LHX4: variants seen among roughly 807,000 people sequenced by gnomAD.
LHX4 encodes the protein LIM/homeobox protein Lhx4.
A neutral mutation model predicts 39.2 loss-of-function variants in LHX4; 16 were observed. That is an observed-to-expected ratio of 0.41 (90% CI 0.28 to 0.62). LHX4 has a LOEUF of 0.62. Among genes scored for constraint, LHX4 ranks in the 20% least tolerant of loss-of-function variants. LHX4 has a pLI of 0.33. For synonymous variants in LHX4, 206 were observed against 198.1 expected (o/e 1.04, Z -0.33); for missense variants, 439 against 511.9 (o/e 0.86, Z 1.37).
At chr1:180,271,678 A>G in intron 4 of LHX4, 144 bp downstream of exon 4, 1 of 1,307,930 alleles carries the variant, frequency 7.6e-7, no homozygotes, top group Non-Finnish European at 1.1e-6. Flanking sequence ...CAGAGTTCTG[A>G]GGCCCACCTG....
chr1:180,244,596 T>G (rs902026698), intron 1 of LHX4, among the ~76,000 whole-genome samples: 1 of 152,242 alleles, frequency 6.6e-6, no homozygotes, highest in African/African-American at 2.4e-5. Context: ...ATAAATTTTA[T>G]GGGCATATAT....
chr1:180,240,906 C>T (rs1354468757), intron 1 of LHX4, among the ~76,000 whole-genome samples: 2 of 152,222 alleles, frequency 1.3e-5, no homozygotes, highest in Non-Finnish European at 2.9e-5. Context: ...GGCTGGCTAT[C>T]ACGTTGTGAG....
At position 180,249,912 on chromosome 1, in the gene LHX4, AGTGT is replaced by A. The variant is rs750852550; in HGVS notation, c.248+1462_248+1465del. ...GTGTGTGTATGAGTGTGTGTGTGAC[AGTGT>A]GTGTGAGAGTGTGTGTGGGTGAGTG... On this transcript the variant is annotated intron_variant, in intron 2 of 5. Coordinates refer to ENST00000263726, the MANE Select transcript of LHX4 (RefSeq NM_033343.4). 4.7e-5 allele frequency among the ~76,000 whole-genome samples: 6 copies of A among 127,846 alleles called. No individual in the cohort carries two copies. The South Asian group carries it at 6.9e-4, about 15-fold the overall frequency. The allele number at this position is 127,846 out of a possible 152,430, so 83.9% of individuals were successfully genotyped here. A position where few individuals can be genotyped will look rare whatever the true frequency, so the allele number is the denominator to read the frequency against.
In LHX4 at chr1:180,230,542, G is replaced by A. The variant is rs763776210; in HGVS notation, c.13G>A (p.Ala5Thr). 1.2e-6 allele frequency: 2 copies of A among 1,613,772 alleles called. No individual in the cohort carries two copies. Among genetic ancestry groups the A allele is most frequent in the Non-Finnish European group, 8.5e-7 (1 of 1,179,954 alleles). The change falls in exon 1 of 6, where the codon GCG becomes ACG. Residue 5 changes from alanine to threonine, a missense_variant. Physicochemically the swap from Ala to Thr is moderately conservative, Grantham distance 58. Coordinates refer to ENST00000263726, the MANE Select transcript of LHX4 (RefSeq NM_033343.4). This position sits in a 1 kb window ranked among gnomAD's most constrained non-coding sequence, Gnocchi z 5.8. ...CTTTCGCTCCGAGATGATGCAGAGTGCGACTGTCCCCGCGGAAGGGGCTGT... is the reference window on the plus strand; with the variant it reads ...CTTTCGCTCCGAGATGATGCAGAGTACGACTGTCCCCGCGGAAGGGGCTGT... MMQS[A>T]TVPAEGAVKG...
At chr1:180,230,155 G>A, upstream of LHX4, 2 of 348,294 alleles carry the variant, frequency 5.7e-6, no homozygotes, top group Non-Finnish European at 1.1e-5. This position sits in a 1 kb window ranked among gnomAD's most constrained non-coding sequence, Gnocchi z 5.8. Context: ...CTCCTGCAGT[G>A]TGAATGAATC....
intron 2 of LHX4, among the ~76,000 whole-genome samples, chr1:180,257,904 C>T (rs528396497): frequency 7.2e-5 from 11 of 152,336 alleles, no homozygotes; most frequent in South Asian, 2.1e-4. Flanking sequence ...CCAGCTCCAC[C>T]GTTTGTCTGT....
At chr1:180,251,609 C>T (rs1366399268) in intron 2 of LHX4, among the ~76,000 whole-genome samples, 1 of 152,222 alleles carries the variant, frequency 6.6e-6, no homozygotes. Flanking sequence ...GGGTTTGATG[C>T]TGCAACAAGT....
Position 180,266,327 on chromosome 1 carries a change from G to A in LHX4, c.249-65G>A, listed in dbSNP as rs1369481661. 2.0e-6 allele frequency: 3 copies of A among 1,537,456 alleles called. No homozygotes were observed. The highest frequency in any genetic ancestry group is 2.7e-6 in the Non-Finnish European group (3 of 1,113,168). On this transcript the variant is annotated intron_variant, in intron 2 of 5. Transcript: ENST00000263726. The surrounding 1 kb of genome is among the most constrained non-coding windows in gnomAD (Gnocchi z 5.7). ...TGGGGTAGGAGGGAGGCTGCTCCAGGAAGTTGGGGGAAGCCAGATCCCTTG... is the reference window on the plus strand; with the variant it reads ...TGGGGTAGGAGGGAGGCTGCTCCAGAAAGTTGGGGGAAGCCAGATCCCTTG...
intron 2 of LHX4, among the ~76,000 whole-genome samples, chr1:180,251,982 C>A (rs1481539292): frequency 6.6e-6 from 1 of 152,198 alleles, no homozygotes; most frequent in Non-Finnish European, 1.5e-5. Flanking sequence ...GGATTCATAG[C>A]CCTCACCAAG....
intron 2 of LHX4, among the ~76,000 whole-genome samples, chr1:180,265,391 T>C (rs1648269785): frequency 6.6e-6 from 1 of 152,220 alleles, no homozygotes; most frequent in South Asian, 2.1e-4. Context: ...CCTCCTTCAC[T>C]GTCCCTGTCG....
chr1:180,246,565 G>T (rs1270338532), intron 1 of LHX4, among the ~76,000 whole-genome samples: 3 of 152,162 alleles, frequency 2.0e-5, no homozygotes, highest in Admixed American at 1.3e-4. Context: ...ACAAAAAGTA[G>T]CCGGGTGTGG....
chr1:180,263,843 C>T (rs1239818372), intron 2 of LHX4, among the ~76,000 whole-genome samples: 2 of 152,112 alleles, frequency 1.3e-5, no homozygotes, highest in African/African-American at 4.8e-5. Context: ...AAGGGTCTTC[C>T]CTCTGTTCCG....
Position 180,230,443 on chromosome 1 carries a change from A to T in LHX4, c.-87A>T. 1 of 1,178,492 alleles carries T rather than the reference A, an allele frequency of 8.5e-7. No individual in the cohort carries two copies. The allele number at this position is 1,178,492 out of a possible 1,614,324, so 73.0% of individuals were successfully genotyped here. A position where few individuals can be genotyped will look rare whatever the true frequency, so the allele number is the denominator to read the frequency against. On this transcript the variant is annotated 5_prime_UTR_variant, in exon 1 of 6. Transcript: ENST00000263726. The surrounding 1 kb of genome is among the most constrained non-coding windows in gnomAD (Gnocchi z 5.8). ...ACTCCAGCGGCCTGCTTGGGGTTTT[A>T]ATTATTATTTTGAAATTTCTGAATC... is the stretch of plus-strand genomic sequence containing the variant.
At position 180,271,820 on chromosome 1, in the gene LHX4, G is replaced by A; in HGVS notation, c.607-15G>A. The A allele has an allele frequency of 6.2e-7, 1 of 1,613,884 alleles. No individual in the cohort carries two copies. The highest frequency in any genetic ancestry group is 8.5e-7 in the Non-Finnish European group (1 of 1,179,978). On this transcript the variant is annotated splice_polypyrimidine_tract_variant and intron_variant, in intron 4 of 5. Coordinates refer to ENST00000263726, the MANE Select transcript of LHX4 (RefSeq NM_033343.4). Reference sequence around the variant, plus strand: ...TGGACGCCCCCTGAGTATGTCCCTTGTGCTTGTGTGGCAGGTTTGGTTTCA... The same window carrying A: ...TGGACGCCCCCTGAGTATGTCCCTTATGCTTGTGTGGCAGGTTTGGTTTCA...
chr1:180,260,406 C>T (rs1032385097), intron 2 of LHX4, among the ~76,000 whole-genome samples: 3 of 151,724 alleles, frequency 2.0e-5, no homozygotes, highest in Non-Finnish European at 2.9e-5. Flanking sequence ...CCCCTTTCTA[C>T]AGGGTCCAGA....
intron 2 of LHX4, 116 bp downstream of exon 2, chr1:180,248,572 G>A: frequency 1.8e-6 from 2 of 1,123,630 alleles, no homozygotes. Context: ...CTCTGGGAGG[G>A]GCAGGTAAAT....
intron 3 of LHX4, among the ~76,000 whole-genome samples, chr1:180,269,140 T>G (rs1004435375): frequency 1.3e-5 from 2 of 151,352 alleles, no homozygotes; most frequent in Admixed American, 6.6e-5. Flanking sequence ...GTAGAGTGTG[T>G]GGGGGGGGGG....
At chr1:180,248,187 C>A in intron 1 of LHX4, 98 bp from the exon 2 acceptor site, 1 of 1,148,028 alleles carries the variant, frequency 8.7e-7, no homozygotes, top group Non-Finnish European at 1.3e-6. Context: ...ATGTCTGTTT[C>A]CACCATCAGC....
At chr1:180,272,765 C>G (rs149422232) in intron 5 of LHX4, 1 of 152,214 alleles carries the variant, frequency 6.6e-6, no homozygotes, top group Non-Finnish European at 1.5e-5. Context: ...TCTGTCAAAT[C>G]GATTCACTTC....
Sources: allele counts gnomAD v4.1 joint callset (sites outside exome capture counted in the v4.1 genomes callset), GRCh38; gene constraint gnomAD v4.1.1; non-coding constraint Gnocchi (gnomAD v3.1); transcripts MANE v1.5; gene names NCBI Gene and HGNC (gene_info 2026-07-23, HGNC 2026-07-21).